CELF2: variants seen among roughly 807,000 people sequenced by gnomAD.
CELF2 encodes CUGBP Elav-like family member 2.
CELF2 carries 8 observed loss-of-function variants against 62.6 expected under a neutral mutation model. The observed-to-expected ratio is 0.13, with a 90% CI of 0.07 to 0.23. The LOEUF is 0.23. Ranked by LOEUF, CELF2 falls within the 10% of genes least tolerant of loss-of-function variation. CELF2 has a pLI of 1.00. For missense variants in CELF2, 333 were observed against 671.0 expected, an observed-to-expected ratio of 0.50 and a Z score of 5.56; for synonymous variants, 258 against 250.0, an observed-to-expected ratio of 1.03 and a Z score of -0.30.
intron 5 of CELF2, among the ~76,000 whole-genome samples, chr10:11,258,710 C>A (rs969387102): frequency 1.3e-5 from 2 of 152,180 alleles, no homozygotes; most frequent in Non-Finnish European, 2.9e-5. Context: ...GTGTTTTTCA[C>A]TTCTTTTTGC....
chr10:11,180,648 A>G (rs1432417498), intron 2 of CELF2, among the ~76,000 whole-genome samples: 3 of 152,152 alleles, frequency 2.0e-5, no homozygotes, highest in Non-Finnish European at 4.4e-5. Flanking sequence ...TCTCGGTAGT[A>G]TTGACAATAA....
intron 9 of CELF2, among the ~76,000 whole-genome samples, chr10:11,312,177 G>T (rs972669458): frequency 6.6e-6 from 1 of 152,132 alleles, no homozygotes; most frequent in Non-Finnish European, 1.5e-5. Context: ...ACCCAGGAAA[G>T]AAATATTTCA....
chr10:11,312,067 G>C (rs1000647350), intron 9 of CELF2, among the ~76,000 whole-genome samples: 3 of 152,114 alleles, frequency 2.0e-5, no homozygotes, highest in Admixed American at 6.5e-5. Context: ...AAAAACCACT[G>C]TCCAAGAAAC....
the CELF2 span, among the ~76,000 whole-genome samples, chr10:10,570,901 A>T: frequency 6.6e-6 from 1 of 152,162 alleles, no homozygotes; most frequent in East Asian, 1.9e-4. Flanking sequence ...TGCAGGAAAA[A>T]AAAGATGAGT....
chr10:11,250,922 C>A (rs1459754240), intron 4 of CELF2, among the ~76,000 whole-genome samples: 2 of 152,222 alleles, frequency 1.3e-5, no homozygotes, highest in Non-Finnish European at 2.9e-5. Flanking sequence ...GGAAGAAGAC[C>A]ACTTCACCCA....
At chr10:11,257,685 A>C in intron 4 of CELF2, 53 bp from the exon 5 acceptor site, 1 of 1,597,180 alleles carries the variant, frequency 6.3e-7, no homozygotes, top group Non-Finnish European at 8.6e-7. Context: ...AGCATTGATT[A>C]CAAGAAAAAA....
chr10:10,685,256 T>A, the CELF2 span, among the ~76,000 whole-genome samples: 6 of 152,206 alleles, frequency 3.9e-5, no homozygotes, highest in Non-Finnish European at 8.8e-5. Context: ...TTGGTGGTTT[T>A]ATGCAGCATC....
intron 1 of CELF2, among the ~76,000 whole-genome samples, chr10:10,848,231 A>G (rs1043106146): frequency 1.3e-5 from 2 of 152,192 alleles, no homozygotes; most frequent in African/African-American, 2.4e-5. Context: ...CTTTATTGCA[A>G]TAAAAATCAT....
At chr10:10,827,454 T>C (rs2057485512) in intron 1 of CELF2, among the ~76,000 whole-genome samples, 1 of 152,198 alleles carries the variant, frequency 6.6e-6, no homozygotes, top group South Asian at 2.1e-4. Flanking sequence ...AGAGACTAGT[T>C]TGGAAAAGCA....
Position 11,295,713 on chromosome 10 carries a change from G to C in CELF2, c.976+7161G>C, listed in dbSNP as rs116686805. Among the ~76,000 whole-genome samples the C allele has an allele frequency of 4.3e-3, 648 of 152,334 alleles. 5 individuals are homozygous for C. Among genetic ancestry groups the C allele is most frequent in the African/African-American group, 0.015 (613 of 41,564 alleles). On this transcript the variant is annotated intron_variant, in intron 9 of 12. Transcript: ENST00000633077. ...GACACACAAACCAGGTGGTTTGAAAGTTCTTCGGCATGTAAGACTGATACT... is the reference window on the plus strand; with the variant it reads ...GACACACAAACCAGGTGGTTTGAAACTTCTTCGGCATGTAAGACTGATACT...
At chr10:10,528,326 G>C in the CELF2 span, among the ~76,000 whole-genome samples, 2 of 152,168 alleles carry the variant, frequency 1.3e-5, no homozygotes, top group South Asian at 4.1e-4. Context: ...GGCTGAGAAA[G>C]GGGATCCTGG....
At chr10:10,469,775 G>C in the CELF2 span, among the ~76,000 whole-genome samples, 1 of 151,680 alleles carries the variant, frequency 6.6e-6, no homozygotes, top group African/African-American at 2.4e-5. Context: ...ATCTGTGCCT[G>C]GCCTTTTCCT....
At chr10:11,189,630 T>A (rs2075835242) in intron 2 of CELF2, among the ~76,000 whole-genome samples, 10 of 152,210 alleles carry the variant, frequency 6.6e-5, no homozygotes, top group Admixed American at 6.5e-4. Context: ...GGGTCCTGCC[T>A]GGTGTCCAGC....
intron 1 of CELF2, among the ~76,000 whole-genome samples, chr10:11,054,184 C>T (rs904773037): frequency 1.3e-5 from 2 of 152,162 alleles, no homozygotes; most frequent in Non-Finnish European, 1.5e-5. Context: ...AAATGCTCTA[C>T]GATTATTACT....
chr10:10,516,891 C>G, the CELF2 span, among the ~76,000 whole-genome samples: 83 of 152,152 alleles, frequency 5.5e-4, no homozygotes, highest in Middle Eastern at 3.4e-3. Flanking sequence ...GTCTTCATTC[C>G]CCATGGACAA....
intron 1 of CELF2, among the ~76,000 whole-genome samples, chr10:11,084,591 T>C (rs181004238): frequency 2.6e-5 from 4 of 152,190 alleles, no homozygotes; most frequent in African/African-American, 7.2e-5. Flanking sequence ...ATGATAATCA[T>C]GCACTTAAAT....
At chr10:10,590,108 A>T in the CELF2 span, among the ~76,000 whole-genome samples, 19,920 of 152,254 alleles carry the variant, frequency 0.13, 1,574 homozygotes, top group Non-Finnish European at 0.19. Flanking sequence ...CTATAGAAAC[A>T]TGTGCTGCCC....
rs987812472 is a variant in CELF2, at chr10:10,993,915, C to G, written c.89+73916C>G. Among the ~76,000 whole-genome samples the G allele has an allele frequency of 2.6e-5, 4 of 152,164 alleles. No individual in the cohort carries two copies. The South Asian group carries it at 6.2e-4, about 24-fold the overall frequency. Reference sequence around the variant, plus strand: ...TAGTATCCTTATCAGAAAAAAAAGACACTAGAGATGTGCAGGCATAGGGAG... The same window carrying G: ...TAGTATCCTTATCAGAAAAAAAAGAGACTAGAGATGTGCAGGCATAGGGAG... On this transcript the variant is annotated intron_variant, in intron 2 of 13. Transcript: ENST00000636488. This position sits in a 1 kb window ranked among gnomAD's most constrained non-coding sequence, Gnocchi z 5.3.
At chr10:10,891,385 G>A (rs975890344) in intron 1 of CELF2, among the ~76,000 whole-genome samples, 5 of 151,976 alleles carry the variant, frequency 3.3e-5, no homozygotes, top group Non-Finnish European at 5.9e-5. Flanking sequence ...TATTGCACAT[G>A]ACAAAAATCT....
Sources: allele counts gnomAD v4.1 joint callset (sites outside exome capture counted in the v4.1 genomes callset), GRCh38; gene constraint gnomAD v4.1.1; non-coding constraint Gnocchi (gnomAD v3.1); transcripts MANE v1.5; gene names NCBI Gene and HGNC (gene_info 2026-07-23, HGNC 2026-07-21).